Variants in PTPRA observed in about 807,000 individuals in gnomAD.
The protein encoded by PTPRA is protein tyrosine phosphatase receptor type A, also known as receptor-type tyrosine-protein phosphatase alpha.
PTPRA carries 25 observed loss-of-function variants against 104.8 expected under a neutral mutation model. The ratio of observed to expected loss-of-function variants is 0.24; its 90% CI spans 0.17 to 0.33. PTPRA has a LOEUF of 0.33. Ranked by LOEUF, PTPRA falls within the 10% of genes least tolerant of loss-of-function variation. PTPRA has a pLI of 1.00. For missense variants in PTPRA, 765 were observed against 1,015.3 expected, an observed-to-expected ratio of 0.75 and a Z score of 3.35; for synonymous variants, 323 against 368.9, an observed-to-expected ratio of 0.88 and a Z score of 1.43.
intron 3 of PTPRA, among the ~76,000 whole-genome samples, chr20:2,963,462 C>T (rs1291809782): frequency 6.6e-6 from 1 of 151,984 alleles, no homozygotes; most frequent in African/African-American, 2.4e-5. Flanking sequence ...GGCATGGTGG[C>T]ACATGCCTCT....
intron 9 of PTPRA, among the ~76,000 whole-genome samples, chr20:2,989,251 G>C (rs547932995): frequency 6.6e-6 from 1 of 152,158 alleles, no homozygotes; most frequent in Admixed American, 6.5e-5. Context: ...TGGCTGACTT[G>C]GTGAAACCCT....
chr20:2,978,017 C>G (rs998040423), intron 6 of PTPRA, among the ~76,000 whole-genome samples: 2 of 151,984 alleles, frequency 1.3e-5, no homozygotes, highest in East Asian at 1.9e-4. Flanking sequence ...ACACACCAGA[C>G]AGGGCACAAG....
chr20:2,945,385 C>G (rs1239458404), intron 2 of PTPRA, among the ~76,000 whole-genome samples: 1 of 152,102 alleles, frequency 6.6e-6, no homozygotes, highest in East Asian at 1.9e-4. Flanking sequence ...TAGGAGTCTT[C>G]AATCATTTTA....
chr20:3,037,077 T>C lies in PTPRA; in HGVS notation c.2199-77T>C, dbSNP rs2065834916. Reference sequence around the variant, plus strand: ...ACCAGCTGCCTGCCCCCACCTCTTCTGCCACTCACCACTGTCACTCACCCC... The same window carrying C: ...ACCAGCTGCCTGCCCCCACCTCTTCCGCCACTCACCACTGTCACTCACCCC... On this transcript the variant is annotated intron_variant, in intron 22 of 23. Transcript: ENST00000399903. This position sits in a 1 kb window ranked among gnomAD's most constrained non-coding sequence, Gnocchi z 4.3. 1 of 1,561,924 alleles carries C rather than the reference T, an allele frequency of 6.4e-7. No homozygotes were observed. Among genetic ancestry groups the C allele is most frequent in the Non-Finnish European group, 8.7e-7 (1 of 1,150,960 alleles).
intron 3 of PTPRA, among the ~76,000 whole-genome samples, chr20:2,956,568 TC>T (rs1268615437): frequency 1.3e-5 from 2 of 152,160 alleles, no homozygotes. Context: ...CTGACCCTTG[TC>T]TTGGCCAATT....
chr20:3,015,364 G>T (rs923439287), intron 11 of PTPRA, among the ~76,000 whole-genome samples: 1 of 148,204 alleles, frequency 6.7e-6, no homozygotes, highest in African/African-American at 2.5e-5. Flanking sequence ...GTGCAGTGGC[G>T]CAATCTTGGC....
chr20:2,999,684 CAT>C (rs2063547459), intron 9 of PTPRA, among the ~76,000 whole-genome samples: 1 of 152,150 alleles, frequency 6.6e-6, no homozygotes, highest in Non-Finnish European at 1.5e-5. Flanking sequence ...ATGCTTGTCA[CAT>C]ATCAAACACA....
intron 17 of PTPRA, among the ~76,000 whole-genome samples, chr20:3,025,218 GCTGAGAC>G (rs2065072673): frequency 6.6e-6 from 1 of 152,142 alleles, no homozygotes; most frequent in South Asian, 2.1e-4. Context: ...ACTTTGGGAG[GCTGAGAC>G]AGGTGGATCA....
chr20:2,881,258 C>T (rs928938785), intron 1 of PTPRA, among the ~76,000 whole-genome samples: 6 of 151,816 alleles, frequency 4.0e-5, no homozygotes, highest in Non-Finnish European at 8.8e-5. Flanking sequence ...TTGCAGTGAG[C>T]CGAGATCTCG....
At position 3,017,906 on chromosome 20, in the gene PTPRA, G is replaced by A; in HGVS notation, c.1034G>A (p.Arg345Lys). Residue 345 changes from arginine to lysine, a missense_variant, in exon 13 of 24, where the codon AGA (arginine) becomes AAA (lysine). Around this residue, in one of 4 missense-constraint regions of PTPRA, gnomAD observed 245 missense variants for 398.7 expected, o/e 0.61. Transcript: ENST00000399903. ...GTCATGGTTACCAACCTGAAGGAGA[G>A]AAAGGAGGTAAGTGGAAAAATTGGA... ...TIVMVTNLKE[R>K]KECKCAQYWP... is the part of the protein sequence containing the mutation. The A allele has an allele frequency of 6.2e-7, 1 of 1,613,926 alleles. No homozygotes were observed. Among genetic ancestry groups the A allele is most frequent in the Non-Finnish European group, 8.5e-7 (1 of 1,179,790 alleles).
chr20:2,973,601 G>A (rs560092465), intron 5 of PTPRA, among the ~76,000 whole-genome samples: 20 of 152,218 alleles, frequency 1.3e-4, no homozygotes, highest in African/African-American at 4.3e-4. Flanking sequence ...TTATCTGTTT[G>A]GTTAGAGATA....
At chr20:2,865,327 G>A in the PTPRA span, 2 of 1,614,134 alleles carry the variant, frequency 1.2e-6, no homozygotes, top group South Asian at 1.1e-5. This position sits in a 1 kb window ranked among gnomAD's most constrained non-coding sequence, Gnocchi z 5.2. Flanking sequence ...GGTAGGTGAG[G>A]GCCCAGGCTG....
intron 1 of PTPRA, among the ~76,000 whole-genome samples, chr20:2,885,829 G>A (rs528613988): frequency 5.3e-5 from 8 of 152,222 alleles, no homozygotes; most frequent in Non-Finnish European, 1.0e-4. Flanking sequence ...ACTTTGGGAG[G>A]CCAAGGTGGG....
intron 3 of PTPRA, chr20:2,955,720 A>G: frequency 1.1e-6 from 1 of 948,810 alleles, no homozygotes; most frequent in Non-Finnish European, 1.3e-6. Context: ...TTTTCTACTC[A>G]TCAGCACCCA....
In PTPRA at chr20:2,988,017, T is replaced by TAAC. The variant is rs745467993; in HGVS notation, c.528-15_528-14insAAC. 6.5e-7 allele frequency: 1 copy of TAAC among 1,541,664 alleles called. No individual in the cohort carries two copies. The highest frequency in any genetic ancestry group is 1.1e-5 in the South Asian group (1 of 89,568). On this transcript the variant is annotated splice_polypyrimidine_tract_variant and intron_variant, in intron 7 of 23. Coordinates refer to ENST00000399903, the MANE Select transcript of PTPRA (RefSeq NM_001385305.1). ...CTCTGTGCTCCATTCTTCACTGTGA[T>TAAC]CATTTTCTCATTAGGTTTAAGAAAT...
At chr20:2,866,240 A>G in the PTPRA span, 10 of 1,613,880 alleles carry the variant, frequency 6.2e-6, no homozygotes, top group Non-Finnish European at 8.5e-6. Flanking sequence ...ATGAAACAAC[A>G]TAACAAATAC....
At chr20:2,924,338 G>A (rs1296310254) in intron 2 of PTPRA, among the ~76,000 whole-genome samples, 2 of 152,154 alleles carry the variant, frequency 1.3e-5, no homozygotes, top group Non-Finnish European at 2.9e-5. Context: ...GGAGGCAGAA[G>A]TTGCAGTGAG....
At chr20:2,946,490 C>T (rs1004279010) in intron 2 of PTPRA, among the ~76,000 whole-genome samples, 1 of 152,082 alleles carries the variant, frequency 6.6e-6, no homozygotes, top group Non-Finnish European at 1.5e-5. Context: ...CAAGTTTCTT[C>T]GTATTCCTTT....
In PTPRA at chr20:3,003,460, A is replaced by G. The variant is rs561231568; in HGVS notation, c.739-1596A>G. 3.5e-4 allele frequency among the ~76,000 whole-genome samples: 54 copies of G among 152,292 alleles called. No individual in the cohort carries two copies. In the South Asian group the frequency reaches 0.011, roughly 32 times the overall value. Reference sequence around the variant, plus strand: ...GCTAGGCCAAAAAGTATTTTTGAAAAGTTTTTTTAAGGCTCATAAAATGTA... The same window carrying G: ...GCTAGGCCAAAAAGTATTTTTGAAAGGTTTTTTTAAGGCTCATAAAATGTA... On this transcript the variant is annotated intron_variant, in intron 9 of 23. Coordinates refer to ENST00000399903, the MANE Select transcript of PTPRA (RefSeq NM_001385305.1).
Sources: allele counts gnomAD v4.1 joint callset (sites outside exome capture counted in the v4.1 genomes callset), GRCh38; gene constraint gnomAD v4.1.1; regional missense constraint gnomAD v4.1.1; non-coding constraint Gnocchi (gnomAD v3.1); transcripts MANE v1.5; gene names NCBI Gene and HGNC (gene_info 2026-07-23, HGNC 2026-07-21).